JAZF1: variants seen among roughly 807,000 people sequenced by gnomAD.
JAZF1 encodes juxtaposed with another zinc finger protein 1.
In JAZF1, 8 loss-of-function variants were observed where a neutral mutation model predicts 26.4. That is an observed-to-expected ratio of 0.30 (90% CI 0.18 to 0.55). The LOEUF is 0.55. Ranked by LOEUF, JAZF1 falls within the 20% of genes least tolerant of loss-of-function variation. JAZF1 has a pLI of 0.94. For missense variants in JAZF1, 199 were observed against 322.0 expected (o/e 0.62, Z 2.92); for synonymous variants, 126 against 122.3 (o/e 1.03, Z -0.20).
intron 3 of JAZF1, among the ~76,000 whole-genome samples, chr7:27,849,434 A>G (rs1439924393): frequency 6.6e-6 from 1 of 152,212 alleles, no homozygotes; most frequent in Non-Finnish European, 1.5e-5. Flanking sequence ...TTTCTGCAAG[A>G]AAACGTAATT....
chr7:28,176,844 G>C (rs1440848941), intron 1 of JAZF1, among the ~76,000 whole-genome samples: 5 of 152,010 alleles, frequency 3.3e-5, no homozygotes, highest in South Asian at 4.2e-4. Flanking sequence ...GGGTTGTAGC[G>C]GCATTTCATG....
At chr7:28,065,977 C>T (rs1783874483) in intron 1 of JAZF1, among the ~76,000 whole-genome samples, 1 of 152,098 alleles carries the variant, frequency 6.6e-6, no homozygotes, top group Non-Finnish European at 1.5e-5. Context: ...GCAAAACTTG[C>T]CAAGAGCACA....
chr7:27,996,651 A>G (rs1786023669), intron 1 of JAZF1, among the ~76,000 whole-genome samples: 1 of 152,190 alleles, frequency 6.6e-6, no homozygotes, highest in Non-Finnish European at 1.5e-5. Context: ...GCCTTCCACA[A>G]CATTCCGTGT....
At chr7:28,134,796 AC>A (rs1319153513) in intron 1 of JAZF1, among the ~76,000 whole-genome samples, 1 of 152,152 alleles carries the variant, frequency 6.6e-6, no homozygotes, top group Non-Finnish European at 1.5e-5. Flanking sequence ...CCTACAGTAT[AC>A]TGTTTTACAC....
At chr7:27,978,579 CG>C (rs1462288108) in intron 2 of JAZF1, among the ~76,000 whole-genome samples, 11 of 152,172 alleles carry the variant, frequency 7.2e-5, no homozygotes, top group African/African-American at 2.4e-4. Context: ...CAGGGTTCCT[CG>C]GGGAAGTTGA....
chr7:27,910,082 T>C (rs1312893396), intron 2 of JAZF1, among the ~76,000 whole-genome samples: 1 of 152,172 alleles, frequency 6.6e-6, no homozygotes. Flanking sequence ...TGACACTGAA[T>C]GTTTATTAAT....
intron 1 of JAZF1, among the ~76,000 whole-genome samples, chr7:28,054,356 C>G (rs1783663848): frequency 6.6e-6 from 1 of 152,158 alleles, no homozygotes; most frequent in Admixed American, 6.5e-5. Context: ...TTTATAACAA[C>G]TGATACATGG....
At chr7:28,148,204 G>A (rs973601544) in intron 1 of JAZF1, among the ~76,000 whole-genome samples, 1 of 151,830 alleles carries the variant, frequency 6.6e-6, no homozygotes, top group African/African-American at 2.4e-5. Context: ...CCGAGTAGCT[G>A]GGATTACAGG....
chr7:28,120,185 T>A (rs1304669944), intron 1 of JAZF1, among the ~76,000 whole-genome samples: 2 of 152,010 alleles, frequency 1.3e-5, no homozygotes, highest in African/African-American at 4.8e-5. Context: ...GGTTTTTTTT[T>A]TTTATTAAGC....
At chr7:27,944,273 T>C (rs908498491) in intron 2 of JAZF1, among the ~76,000 whole-genome samples, 4 of 152,262 alleles carry the variant, frequency 2.6e-5, no homozygotes, top group African/African-American at 9.6e-5. Flanking sequence ...AATTGTTCTA[T>C]GCATGAGTCC....
At chr7:28,026,563 T>C (rs1270318604) in intron 1 of JAZF1, among the ~76,000 whole-genome samples, 7 of 152,146 alleles carry the variant, frequency 4.6e-5, no homozygotes, top group African/African-American at 1.2e-4. Flanking sequence ...ATGTTGAAAA[T>C]GCATTCCCCC....
chr7:28,174,475 T>C (rs1783518730), intron 1 of JAZF1, among the ~76,000 whole-genome samples: 1 of 152,208 alleles, frequency 6.6e-6, no homozygotes, highest in African/African-American at 2.4e-5. Flanking sequence ...TGTCAGTTTG[T>C]ATTTCTAGAA....
At chr7:28,050,400 G>T (rs1407118160) in intron 1 of JAZF1, among the ~76,000 whole-genome samples, 2 of 152,166 alleles carry the variant, frequency 1.3e-5, no homozygotes. Flanking sequence ...AAAATGTCCT[G>T]ATTTTAGACA....
In JAZF1 at chr7:27,964,796, G is replaced by C. The variant is rs1317379238; in HGVS notation, c.188+27113C>G. Among the ~76,000 whole-genome samples, 3 of 151,728 alleles carry C rather than the reference G, an allele frequency of 2.0e-5. No individual in the cohort carries two copies. The East Asian group carries it at 5.8e-4, about 29-fold the overall frequency. ...TTGGGTCACCTCAGATGCCAACAAT[G>C]GTAACTCATGAATCTGTTAGTCCTT... On this transcript the variant is annotated intron_variant, in intron 2 of 4. Coordinates refer to ENST00000283928, the MANE Select transcript of JAZF1 (RefSeq NM_175061.4).
chr7:27,914,430 G>A (rs1396843317), intron 2 of JAZF1, among the ~76,000 whole-genome samples: 1 of 152,142 alleles, frequency 6.6e-6, no homozygotes, highest in Non-Finnish European at 1.5e-5. Flanking sequence ...TGGTTGGGCC[G>A]GGGGCTGTAC....
intron 1 of JAZF1, among the ~76,000 whole-genome samples, chr7:28,110,487 GGAAAGGAAAGGAAAGGAAAAGGAAAGGA>G (rs1784629499): frequency 2.1e-5 from 1 of 48,544 alleles, no homozygotes; most frequent in Non-Finnish European, 4.4e-5. Context: ...GGAAAGGAAA[GGAAAGGAAAGGAAAGGAAAAGGAAAGGA>G]AAAGGAAAAG....
At chr7:27,839,158 C>T (rs746320483) in intron 4 of JAZF1, among the ~76,000 whole-genome samples, 10 of 152,224 alleles carry the variant, frequency 6.6e-5, no homozygotes, top group Non-Finnish European at 1.2e-4. Flanking sequence ...GAACCCAGGG[C>T]GTAGCTTGTA....
chr7:27,973,232 T>A (rs77207004), intron 2 of JAZF1, among the ~76,000 whole-genome samples: 11,554 of 152,226 alleles, frequency 0.076, 554 homozygotes, highest in African/African-American at 0.14. Flanking sequence ...TATGATTTTT[T>A]AAATTTTAAC....
chr7:27,910,813 G>A (rs1784348162), intron 2 of JAZF1, among the ~76,000 whole-genome samples: 1 of 152,100 alleles, frequency 6.6e-6, no homozygotes, highest in Non-Finnish European at 1.5e-5. Context: ...TGGTGACCAG[G>A]GAGCCTCTTT....
Sources: gnomAD v4.1 joint callset for allele counts (sites outside exome capture counted in the v4.1 genomes callset) on GRCh38, gnomAD v4.1.1 for gene constraint, MANE v1.5 for transcripts, NCBI Gene and HGNC (gene_info 2026-07-23, HGNC 2026-07-21) for gene names.